The following EPHA4 variants were observed in gnomAD, a reference collection of about 807,000 sequenced individuals.
The protein encoded by EPHA4 is ephrin type-A receptor 4.
Under a neutral mutation model 108.3 loss-of-function variants are expected in EPHA4, and 19 were observed. That is an observed-to-expected ratio of 0.18 (90% CI 0.12 to 0.26). EPHA4 has a LOEUF of 0.26. EPHA4 is among the 10% of genes least tolerant of loss of function. The pLI is 1.00. For synonymous variants in EPHA4, 449 were observed against 455.5 expected (o/e 0.99, Z 0.18); for missense variants, 917 against 1,254.0 (o/e 0.73, Z 4.06).
intron 2 of EPHA4, among the ~76,000 whole-genome samples, chr2:221,566,901 G>GAA (rs1559297178): frequency 4.9e-5 from 2 of 40,588 alleles, no homozygotes; most frequent in African/African-American, 1.6e-4. Flanking sequence ...AGAAGGAGAA[G>GAA]GAGAAGGAGA....
chr2:221,500,173 G>T (rs1692447532), intron 4 of EPHA4, among the ~76,000 whole-genome samples: 1 of 152,158 alleles, frequency 6.6e-6, no homozygotes, highest in South Asian at 2.1e-4. Context: ...CCATTCTCCA[G>T]GTGAGGAAAC....
chr2:221,471,301 C>T (rs1400385285), intron 5 of EPHA4, among the ~76,000 whole-genome samples: 1 of 152,010 alleles, frequency 6.6e-6, no homozygotes, highest in Non-Finnish European at 1.5e-5. Flanking sequence ...TCACAGGGGC[C>T]TCTCTCATGA....
At chr2:221,482,910 G>A (rs1306915104) in intron 4 of EPHA4, among the ~76,000 whole-genome samples, 1 of 152,134 alleles carries the variant, frequency 6.6e-6, no homozygotes, top group Non-Finnish European at 1.5e-5. Context: ...AACAAACAAG[G>A]CATCGGTTGT....
At chr2:221,444,272 A>C (rs1574567889) in intron 9 of EPHA4, among the ~76,000 whole-genome samples, 1 of 152,208 alleles carries the variant, frequency 6.6e-6, no homozygotes, top group South Asian at 2.1e-4. Flanking sequence ...AGGAAGTATG[A>C]TTCAGCCATA....
chr2:221,507,873 C>T (rs774552164), intron 3 of EPHA4, among the ~76,000 whole-genome samples: 1 of 152,268 alleles, frequency 6.6e-6, no homozygotes, highest in East Asian at 1.9e-4. Context: ...ATCTCAGAAG[C>T]TTCTAATCTT....
At chr2:221,472,076 T>C (rs1691504128) in intron 5 of EPHA4, among the ~76,000 whole-genome samples, 1 of 152,114 alleles carries the variant, frequency 6.6e-6, no homozygotes, top group African/African-American at 2.4e-5. Flanking sequence ...AATTTTCAGA[T>C]AAAATAAAAG....
intron 13 of EPHA4, among the ~76,000 whole-genome samples, chr2:221,435,230 C>T (rs1042137319): frequency 2.0e-5 from 3 of 152,140 alleles, no homozygotes; most frequent in South Asian, 2.1e-4. Flanking sequence ...ATCCTTGTTA[C>T]GCACAGAAGG....
chr2:221,559,207 T>C (rs1179668841), intron 3 of EPHA4, among the ~76,000 whole-genome samples: 1 of 152,226 alleles, frequency 6.6e-6, no homozygotes, highest in Non-Finnish European at 1.5e-5. Flanking sequence ...AACAAAATTG[T>C]ATACTTCAGC....
chr2:221,498,279 C>A (rs10932914), intron 4 of EPHA4, among the ~76,000 whole-genome samples: 64,077 of 151,978 alleles, frequency 0.42, 13,585 homozygotes, highest in East Asian at 0.53. Context: ...CTAGAGAAGG[C>A]TTTATCTGCA....
chr2:221,530,662 G>A (rs1693484149), intron 3 of EPHA4, among the ~76,000 whole-genome samples: 1 of 152,162 alleles, frequency 6.6e-6, no homozygotes, highest in Non-Finnish European at 1.5e-5. Flanking sequence ...TAAATCTGAG[G>A]GCTGAGGGCT....
chr2:221,506,688 C>A (rs1445497147), intron 3 of EPHA4, among the ~76,000 whole-genome samples: 1 of 152,148 alleles, frequency 6.6e-6, no homozygotes, highest in Non-Finnish European at 1.5e-5. Context: ...GGTTTGACTG[C>A]TATCTGTTGA....
chr2:221,530,220 T>C (rs1388770758), intron 3 of EPHA4, among the ~76,000 whole-genome samples: 1 of 152,090 alleles, frequency 6.6e-6, no homozygotes, highest in African/African-American at 2.4e-5. Flanking sequence ...TCTTTTACGA[T>C]GTAATTTCTT....
At chr2:221,436,372 A>G in intron 13 of EPHA4, 27 bp downstream of exon 13, 1 of 1,606,784 alleles carries the variant, frequency 6.2e-7, no homozygotes, top group Non-Finnish European at 8.5e-7. Flanking sequence ...CCAGAGTGAA[A>G]GCCCAGATGT....
chr2:221,537,274 G>A (rs1299012969), intron 3 of EPHA4, among the ~76,000 whole-genome samples: 1 of 152,184 alleles, frequency 6.6e-6, no homozygotes, highest in African/African-American at 2.4e-5. Flanking sequence ...TGTTCTCAGT[G>A]CTCCAAATAC....
chr2:221,550,549 T>A (rs1303165496), intron 3 of EPHA4, among the ~76,000 whole-genome samples: 1 of 152,104 alleles, frequency 6.6e-6, no homozygotes, highest in Non-Finnish European at 1.5e-5. Context: ...ACCATTTCCT[T>A]GTTGAGACTT....
intron 3 of EPHA4, among the ~76,000 whole-genome samples, chr2:221,549,884 G>A (rs577338479): frequency 4.6e-5 from 7 of 152,254 alleles, no homozygotes; most frequent in African/African-American, 1.7e-4. Flanking sequence ...CCAGCTACTC[G>A]GGAGGCTGAG....
rs140593891 is a variant in EPHA4, at chr2:221,526,542, T to TA, written c.824-25371dup. Reference sequence around the variant, plus strand: ...GCTCAGGAAACAACACAATCTAGTGTAAAAAAAAAAAAAAAAATTCATGGC... The same window carrying TA: ...GCTCAGGAAACAACACAATCTAGTGTAAAAAAAAAAAAAAAAAATTCATGGC... On this transcript the variant is annotated intron_variant, in intron 3 of 17. Coordinates refer to ENST00000281821, the MANE Select transcript of EPHA4 (RefSeq NM_004438.5). Among the ~76,000 whole-genome samples the TA allele has an allele frequency of 3.3e-3, 477 of 144,102 alleles. 3 individuals carry two copies. The highest frequency in any genetic ancestry group is 8.1e-3 in the African/African-American group (320 of 39,612). 94.5% of individuals were successfully genotyped at this position (144,102 alleles called of 152,430 possible). A position where few individuals can be genotyped will look rare whatever the true frequency, so the allele number is the denominator to read the frequency against.
At chr2:221,531,838 C>T (rs372048265) in intron 3 of EPHA4, among the ~76,000 whole-genome samples, 1 of 151,880 alleles carries the variant, frequency 6.6e-6, no homozygotes, top group Non-Finnish European at 1.5e-5. Context: ...TGTTTTTGTG[C>T]GAAGGCCATG....
At position 221,504,615 on chromosome 2, in the gene EPHA4, C is replaced by T. The variant is rs181275936; in HGVS notation, c.824-3443G>A. Among the ~76,000 whole-genome samples the T allele has an allele frequency of 1.9e-3, 293 of 151,640 alleles. 1 individual carries two copies. The highest frequency in any genetic ancestry group is 6.8e-3 in the African/African-American group (280 of 41,362). On this transcript the variant is annotated intron_variant, in intron 3 of 17. Coordinates refer to ENST00000281821, the MANE Select transcript of EPHA4 (RefSeq NM_004438.5). ...AGAAATGTAGAATAATTGATAGTAT[C>T]TGATTGTCTTTATAGTTCATTTTAA...
Sources: allele counts gnomAD v4.1 joint callset (sites outside exome capture counted in the v4.1 genomes callset), GRCh38; gene constraint gnomAD v4.1.1; transcripts MANE v1.5; gene names NCBI Gene and HGNC (gene_info 2026-07-23, HGNC 2026-07-21).